ENKUR: variants seen among roughly 807,000 people sequenced by gnomAD.
ENKUR encodes the protein enkurin, TRPC channel interacting protein.
Under a neutral mutation model 27.6 loss-of-function variants are expected in ENKUR, and 19 were observed. That is an observed-to-expected ratio of 0.69 (90% CI 0.48 to 1.01). ENKUR has a LOEUF of 1.01. Ranked by LOEUF, ENKUR falls within the 50% of genes least tolerant of loss-of-function variation. The probability of loss-of-function intolerance (pLI) is 0.00; values close to 1 mark genes in which losing one functional copy is unlikely to be tolerated. For synonymous variants in ENKUR, 117 were observed against 96.9 expected (o/e 1.21, Z -1.22); for missense variants, 312 against 310.5 (o/e 1.00, Z -0.04).
At chr10:25,027,371 A>C (rs1850874805) in intron 2 of ENKUR, among the ~76,000 whole-genome samples, 7 of 144,260 alleles carry the variant, frequency 4.9e-5, no homozygotes, top group Admixed American at 3.5e-4. Context: ...AAAAAAAAAA[A>C]AAAAAAAAAA....
intron 1 of ENKUR, among the ~76,000 whole-genome samples, chr10:25,007,656 G>A (rs113265117): frequency 0.029 from 4,380 of 152,108 alleles, 140 homozygotes; most frequent in African/African-American, 0.078. Context: ...GGATGTTCTC[G>A]ATCTCCTGAC....
intron 1 of ENKUR, among the ~76,000 whole-genome samples, chr10:25,003,158 TTTAATTAA>T (rs371206452): frequency 3.0e-4 from 43 of 142,294 alleles, no homozygotes; most frequent in Non-Finnish European, 4.6e-4. Flanking sequence ...TCAGTGTTTC[TTTAATTAA>T]TTAATTAATT....
chr10:25,011,093 C>T (rs898684341), intron 1 of ENKUR, among the ~76,000 whole-genome samples: 10 of 150,552 alleles, frequency 6.6e-5, no homozygotes, highest in Non-Finnish European at 1.0e-4. Flanking sequence ...TCTCCACATC[C>T]TCTCCAGCAC....
rs772396792 is a variant in ENKUR at position 25,015,939 on chromosome 10, C to A, written c.-3G>T. The A allele has an allele frequency of 6.2e-7, 1 of 1,605,058 alleles. No homozygotes were observed. The highest frequency in any genetic ancestry group is 8.5e-7 in the Non-Finnish European group (1 of 1,175,508). ...TCAGAAGAGCACGTTGGATCCATGG[C>A]CACCAAATGACTCCTTAAAAGCTAC... On this transcript the variant is annotated 5_prime_UTR_variant, in exon 1 of 6. Transcript: ENST00000331161.
At chr10:25,025,328 C>T (rs747517143) in intron 2 of ENKUR, 1 of 1,614,024 alleles carries the variant, frequency 6.2e-7, no homozygotes, top group East Asian at 2.2e-5. Context: ...AATGCATTAC[C>T]TCCACTGCAT....
At chr10:24,988,386 G>A (rs4556443) in intron 4 of ENKUR, among the ~76,000 whole-genome samples, 69,603 of 143,238 alleles carry the variant, frequency 0.49, 17,725 homozygotes, top group African/African-American at 0.66. Context: ...GTATATATGT[G>A]TATATATTTA....
intron 2 of ENKUR, among the ~76,000 whole-genome samples, chr10:25,037,973 C>T (rs1007008505): frequency 6.6e-6 from 1 of 152,170 alleles, no homozygotes; most frequent in Non-Finnish European, 1.5e-5. Context: ...ATGCTTCATT[C>T]TGATAACTAG....
chr10:25,046,211 C>T (rs146636401), intron 2 of ENKUR, among the ~76,000 whole-genome samples: 2 of 152,254 alleles, frequency 1.3e-5, no homozygotes, highest in East Asian at 3.9e-4. Flanking sequence ...CCTGGTGGAA[C>T]AATCAGAATG....
intron 3 of ENKUR, among the ~76,000 whole-genome samples, chr10:24,991,593 G>A (rs1258393933): frequency 6.6e-6 from 1 of 152,162 alleles, no homozygotes; most frequent in South Asian, 2.1e-4. Context: ...GGTGGGAGGA[G>A]AGCCCGGGCC....
upstream of ENKUR, chr10:25,016,932 A>G (rs557675708): frequency 2.6e-4 from 40 of 152,478 alleles, no homozygotes; most frequent in African/African-American, 9.1e-4. Context: ...CTTCTGGTCG[A>G]GGCTCCTCGG....
chr10:25,041,088 C>T (rs1210220493), intron 2 of ENKUR, among the ~76,000 whole-genome samples: 1 of 152,152 alleles, frequency 6.6e-6, no homozygotes, highest in Non-Finnish European at 1.5e-5. Flanking sequence ...AAATAGCATC[C>T]TATGTGTACA....
chr10:25,027,361 A>AAAAAAAAC, intron 2 of ENKUR, among the ~76,000 whole-genome samples: 1 of 110,922 alleles, frequency 9.0e-6, no homozygotes, highest in Non-Finnish European at 1.7e-5. Context: ...CCGTCTCAAA[A>AAAAAAAAC]AAAAAAAAAA....
chr10:24,997,368 C>G (rs375081453), intron 2 of ENKUR, among the ~76,000 whole-genome samples: 10 of 151,812 alleles, frequency 6.6e-5, no homozygotes, highest in South Asian at 4.2e-4. Flanking sequence ...TTTGCAAAAC[C>G]CTGCATTCCT....
chr10:25,019,435 C>CT (rs1465598028), upstream of ENKUR, among the ~76,000 whole-genome samples: 1 of 152,168 alleles, frequency 6.6e-6, no homozygotes, highest in African/African-American at 2.4e-5. Flanking sequence ...GATTGTGCCA[C>CT]TGCACTCCTG....
At chr10:25,027,184 GTC>G (rs1220682617) in intron 2 of ENKUR, among the ~76,000 whole-genome samples, 1 of 151,046 alleles carries the variant, frequency 6.6e-6, no homozygotes, top group African/African-American at 2.4e-5. Context: ...GAGAAACCCT[GTC>G]TCTACTAAAA....
At chr10:24,987,762 C>T (rs1849811175) in intron 4 of ENKUR, among the ~76,000 whole-genome samples, 1 of 151,960 alleles carries the variant, frequency 6.6e-6, no homozygotes, top group Non-Finnish European at 1.5e-5. Flanking sequence ...AGTTTTAGTC[C>T]CTATTGATGT....
Position 25,009,900 on chromosome 10 carries a change from T to A in ENKUR, c.77+5960A>T, listed in dbSNP as rs567682427. Reference sequence around the variant, plus strand: ...CTCCCCAGCCATGTGGAACTGCGAGTCAAACCTCTTTCCTTTATAAATTAC... The same window carrying A: ...CTCCCCAGCCATGTGGAACTGCGAGACAAACCTCTTTCCTTTATAAATTAC... On this transcript the variant is annotated intron_variant, in intron 1 of 5. Coordinates refer to ENST00000331161, the MANE Select transcript of ENKUR (RefSeq NM_145010.4). 9.2e-5 allele frequency among the ~76,000 whole-genome samples: 14 copies of A among 152,292 alleles called. 1 individual carries two copies. In the South Asian group the frequency reaches 1.7e-3, roughly 18 times the overall value.
intron 4 of ENKUR, among the ~76,000 whole-genome samples, chr10:24,986,792 G>A (rs1411405055): frequency 1.3e-5 from 2 of 152,092 alleles, no homozygotes; most frequent in Admixed American, 6.5e-5. Context: ...ATTGAAATAC[G>A]CTACGTGCTG....
intron 2 of ENKUR, among the ~76,000 whole-genome samples, chr10:25,039,955 A>G (rs924735893): frequency 7.4e-6 from 1 of 135,760 alleles, no homozygotes; most frequent in African/African-American, 2.8e-5. Context: ...AAAAAAAAAA[A>G]GTAGCTTCAC....
Sources: allele counts gnomAD v4.1 joint callset (sites outside exome capture counted in the v4.1 genomes callset), GRCh38; gene constraint gnomAD v4.1.1; transcripts MANE v1.5; gene names NCBI Gene and HGNC (gene_info 2026-07-23, HGNC 2026-07-21).